Variants in PDE4D observed in about 807,000 individuals in gnomAD.
The protein encoded by PDE4D is phosphodiesterase 4D, also known as 3',5'-cyclic-AMP phosphodiesterase 4D.
PDE4D carries 24 observed loss-of-function variants against 87.4 expected under a neutral mutation model. The ratio of observed to expected loss-of-function variants is 0.27; its 90% CI spans 0.20 to 0.39. The LOEUF is 0.39. Among genes scored for constraint, PDE4D ranks in the 10% least tolerant of loss-of-function variants. The probability of loss-of-function intolerance (pLI) is 1.00; values close to 1 mark genes in which losing one functional copy is unlikely to be tolerated. For synonymous variants in PDE4D, 384 were observed against 383.2 expected (o/e 1.00, Z -0.02); for missense variants, 714 against 1,041.0 (o/e 0.69, Z 4.32).
At chr5:59,149,485 A>G (rs1779145639) in intron 5 of PDE4D, among the ~76,000 whole-genome samples, 1 of 152,156 alleles carries the variant, frequency 6.6e-6, no homozygotes, top group Non-Finnish European at 1.5e-5. Flanking sequence ...AAATACCACA[A>G]GGGAACCTTA....
At chr5:59,416,498 A>G (rs1220455471) in intron 1 of PDE4D, among the ~76,000 whole-genome samples, 2 of 152,192 alleles carry the variant, frequency 1.3e-5, no homozygotes, top group African/African-American at 2.4e-5. Context: ...TAAGAGTCAT[A>G]TGTGTAATAA....
At chr5:59,862,565 C>T (rs561973726) in intron 1 of PDE4D, among the ~76,000 whole-genome samples, 1 of 151,534 alleles carries the variant, frequency 6.6e-6, no homozygotes, top group African/African-American at 2.4e-5. Flanking sequence ...CTTAACCACT[C>T]TACACCTCAA....
chr5:60,243,337 G>T (rs77379276), intron 1 of PDE4D, among the ~76,000 whole-genome samples: 4,131 of 151,806 alleles, frequency 0.027, 154 homozygotes, highest in African/African-American at 0.087. Context: ...AAGAAATCTC[G>T]CAGTAAAGAA....
chr5:60,118,870 C>A (rs1439847329), intron 2 of PDE4D, among the ~76,000 whole-genome samples: 1 of 152,034 alleles, frequency 6.6e-6, no homozygotes, highest in Non-Finnish European at 1.5e-5. Context: ...ATGAAGCCCT[C>A]CCAGGATATT....
intron 1 of PDE4D, among the ~76,000 whole-genome samples, chr5:59,375,818 A>T (rs933803707): frequency 1.3e-5 from 2 of 152,240 alleles, no homozygotes; most frequent in Non-Finnish European, 2.9e-5. Context: ...ATCCAGTATC[A>T]CATCAAAAAG....
intron 1 of PDE4D, among the ~76,000 whole-genome samples, chr5:59,443,069 A>G (rs1174028203): frequency 6.6e-6 from 1 of 152,250 alleles, no homozygotes; most frequent in Non-Finnish European, 1.5e-5. Context: ...CACAAAGCTT[A>G]CAATACTTTT....
In PDE4D at chr5:59,759,299, TTTC is replaced by T. The variant is rs200105423; in HGVS notation, c.455+133866_455+133868del. Among the ~76,000 whole-genome samples, 1,231 of 152,298 alleles carry T rather than the reference TTTC, an allele frequency of 8.1e-3. 13 individuals carry two copies. The highest frequency in any genetic ancestry group is 0.028 in the African/African-American group (1,173 of 41,564). The stretch of plus-strand genomic sequence containing the variant: ...TGAACTTTAAGATTCAAGTTTTTAT[TTTC>T]TTCTTATCAACATTTCTGCCAAGTT... On this transcript the variant is annotated intron_variant, in intron 1 of 14. Transcript: ENST00000340635.
At chr5:60,108,784 T>A (rs1366167254) in intron 2 of PDE4D, among the ~76,000 whole-genome samples, 2 of 152,098 alleles carry the variant, frequency 1.3e-5, no homozygotes, top group Non-Finnish European at 2.9e-5. Flanking sequence ...TAATAAATGG[T>A]GCTGGGAAAA....
At chr5:59,843,751 T>A (rs1743408507) in intron 1 of PDE4D, among the ~76,000 whole-genome samples, 1 of 152,054 alleles carries the variant, frequency 6.6e-6, no homozygotes, top group Non-Finnish European at 1.5e-5. Context: ...GAGCTTCAAG[T>A]CCACTGGGTG....
At chr5:59,769,587 T>C (rs926543552) in intron 1 of PDE4D, among the ~76,000 whole-genome samples, 6 of 152,136 alleles carry the variant, frequency 3.9e-5, no homozygotes, top group African/African-American at 1.4e-4. Flanking sequence ...ATTTTGCAAT[T>C]GGAAAAAAAG....
intron 1 of PDE4D, among the ~76,000 whole-genome samples, chr5:59,559,940 T>C (rs1332032754): frequency 6.6e-6 from 1 of 152,202 alleles, no homozygotes; most frequent in Admixed American, 6.5e-5. Context: ...AAAATACCAG[T>C]TTCTTGACAT....
chr5:59,521,721 T>C (rs1812275031), intron 1 of PDE4D, among the ~76,000 whole-genome samples: 1 of 152,214 alleles, frequency 6.6e-6, no homozygotes, highest in Non-Finnish European at 1.5e-5. Flanking sequence ...ACTAACTTCT[T>C]CCTCCCTCCC....
At chr5:60,447,947 A>C (rs748882719) in intron 1 of PDE4D, among the ~76,000 whole-genome samples, 2 of 152,128 alleles carry the variant, frequency 1.3e-5, no homozygotes, top group African/African-American at 4.8e-5. Flanking sequence ...TACTTTGTTT[A>C]TAGTATAGTC....
intron 1 of PDE4D, among the ~76,000 whole-genome samples, chr5:59,632,786 T>G (rs1442812603): frequency 6.6e-6 from 1 of 151,824 alleles, no homozygotes; most frequent in Non-Finnish European, 1.5e-5. Context: ...GAAAAACCAG[T>G]GCAAAAAGGA....
chr5:60,131,954 T>C (rs1779631553), intron 2 of PDE4D, among the ~76,000 whole-genome samples: 2 of 152,230 alleles, frequency 1.3e-5, no homozygotes, highest in South Asian at 2.1e-4. Flanking sequence ...TCTGCAATAA[T>C]TGACTTTGTT....
chr5:59,536,365 C>T (rs1271286479), intron 1 of PDE4D, among the ~76,000 whole-genome samples: 4 of 151,504 alleles, frequency 2.6e-5, no homozygotes, highest in East Asian at 1.9e-4. Context: ...ATTAGCCAGG[C>T]GTGGTGGCAG....
intron 1 of PDE4D, among the ~76,000 whole-genome samples, chr5:59,779,850 A>T (rs541486113): frequency 6.6e-6 from 1 of 152,362 alleles, no homozygotes; most frequent in African/African-American, 2.4e-5. Context: ...ACTTAGAAGT[A>T]GGATTAACTG....
chr5:59,478,920 T>C (rs763023490), intron 1 of PDE4D, among the ~76,000 whole-genome samples: 1 of 151,142 alleles, frequency 6.6e-6, no homozygotes, highest in Non-Finnish European at 1.5e-5. Context: ...AATCACAGTA[T>C]AACATTTTAG....
intron 2 of PDE4D, among the ~76,000 whole-genome samples, chr5:59,997,487 A>G (rs1763621309): frequency 6.6e-6 from 1 of 152,212 alleles, no homozygotes; most frequent in Admixed American, 6.5e-5. Context: ...AGAAAAACCT[A>G]AAACCATCAT....
Sources: gnomAD v4.1 joint callset for allele counts (sites outside exome capture counted in the v4.1 genomes callset) on GRCh38, gnomAD v4.1.1 for gene constraint, MANE v1.5 for transcripts, NCBI Gene and HGNC (gene_info 2026-07-23, HGNC 2026-07-21) for gene names.